The following KIAA0232 variants were observed in gnomAD, a reference collection of about 807,000 sequenced individuals.
KIAA0232 encodes the protein KIAA0232.
Under a neutral mutation model 122.0 loss-of-function variants are expected in KIAA0232, and 27 were observed. The ratio of observed to expected loss-of-function variants is 0.22; its 90% CI spans 0.16 to 0.31. The LOEUF (loss-of-function observed/expected upper bound fraction) is 0.31. KIAA0232 is among the 10% of genes least tolerant of loss of function. KIAA0232 has a pLI of 1.00. For missense variants in KIAA0232, 1,551 were observed against 1,634.2 expected, an observed-to-expected ratio of 0.95 and a Z score of 0.88; for synonymous variants, 613 against 587.6, an observed-to-expected ratio of 1.04 and a Z score of -0.63.
chr4:6,863,828 C>A lies in KIAA0232; in HGVS notation c.3446C>A (p.Ala1149Glu), dbSNP rs1409102622. The A allele has an allele frequency of 3.7e-6, 6 of 1,613,938 alleles. No individual in the cohort carries two copies. Among genetic ancestry groups the A allele is most frequent in the Non-Finnish European group, 5.1e-6 (6 of 1,180,018 alleles). Residue 1149 changes from alanine (A) to glutamate (E), a missense_variant, in exon 7 of 10, where the codon GCA becomes GAA. Around this residue, in one of 5 missense-constraint regions of KIAA0232, gnomAD observed 1,108 missense variants for 1,154.8 expected, o/e 0.96. Transcript: ENST00000307659. The stretch of plus-strand genomic sequence containing the variant: ...GTTGATATATTTGAAGATCCGCAGG[C>A]AGATCTCAAACCTTTGGAAGAAGAT... ...SQVDIFEDPQ[A>E]DLKPLEEDAE...
At chr4:6,870,037 C>T (rs1471059421) in intron 7 of KIAA0232, among the ~76,000 whole-genome samples, 1 of 152,208 alleles carries the variant, frequency 6.6e-6, no homozygotes, top group African/African-American at 2.4e-5. Flanking sequence ...CAGGCTCACT[C>T]TCTCAGGCAC....
At chr4:6,807,125 C>G (rs764062961) in intron 2 of KIAA0232, among the ~76,000 whole-genome samples, 1 of 151,950 alleles carries the variant, frequency 6.6e-6, no homozygotes, top group Non-Finnish European at 1.5e-5. Context: ...GCCCTGTACG[C>G]CTGGGCTCAA....
intron 3 of KIAA0232, among the ~76,000 whole-genome samples, chr4:6,841,004 C>A (rs1719628515): frequency 6.6e-6 from 1 of 152,064 alleles, no homozygotes; most frequent in Non-Finnish European, 1.5e-5. Flanking sequence ...GCATGAGGGA[C>A]CTCTCAAATA....
chr4:6,825,384 C>T (rs140798852), intron 3 of KIAA0232, among the ~76,000 whole-genome samples: 227 of 152,094 alleles, frequency 1.5e-3, no homozygotes, highest in African/African-American at 5.3e-3. Context: ...CCAGTCTTTA[C>T]AAAAAGTATT....
At chr4:6,807,314 A>G (rs1309776096) in intron 2 of KIAA0232, among the ~76,000 whole-genome samples, 2 of 152,256 alleles carry the variant, frequency 1.3e-5, no homozygotes, top group African/African-American at 4.8e-5. Flanking sequence ...AATCTTATCT[A>G]TAAGAACAAT....
chr4:6,879,554 A>C (rs1292005989), intron 9 of KIAA0232, among the ~76,000 whole-genome samples: 1 of 152,082 alleles, frequency 6.6e-6, no homozygotes, highest in Non-Finnish European at 1.5e-5. Context: ...CTTCTGCCTC[A>C]GGGGTTCTCA....
intron 8 of KIAA0232, among the ~76,000 whole-genome samples, chr4:6,872,390 AGGAGTAGTTATG>A (rs1276635702): frequency 2.0e-5 from 3 of 152,170 alleles, no homozygotes; most frequent in African/African-American, 7.2e-5. Flanking sequence ...ACTTTCTATG[AGGAGTAGTTATG>A]GGAGTCTAGG....
intron 2 of KIAA0232, among the ~76,000 whole-genome samples, chr4:6,822,938 A>C (rs13112814): frequency 0.86 from 94,399 of 109,232 alleles, 40,518 homozygotes; most frequent in Non-Finnish European, 0.9. Flanking sequence ...CTCCCCCCAC[A>C]CCACAACAGT....
chr4:6,800,845 C>G (rs1482885612), intron 1 of KIAA0232, among the ~76,000 whole-genome samples: 4 of 152,162 alleles, frequency 2.6e-5, no homozygotes, highest in Admixed American at 6.5e-5. Flanking sequence ...GCTCATCACT[C>G]TGAAAGGTTA....
Position 6,882,295 on chromosome 4 carries a change from G to T in KIAA0232, c.*1329G>T, listed in dbSNP as rs1473957519. 1 of 152,132 alleles carries T rather than the reference G, an allele frequency of 6.6e-6. No homozygotes were observed. Among genetic ancestry groups the T allele is most frequent in the Non-Finnish European group, 1.5e-5 (1 of 68,024 alleles). 9.4% of individuals were successfully genotyped at this position (152,132 alleles called of 1,614,324 possible). A position where few individuals can be genotyped will look rare whatever the true frequency, so the allele number is the denominator to read the frequency against. On this transcript the variant is annotated 3_prime_UTR_variant, in exon 10 of 10. Coordinates refer to ENST00000307659, the MANE Select transcript of KIAA0232 (RefSeq NM_014743.3). ...AAAAAACCTAATCTGTGAAATCAGC[G>T]TAGCATGCCTGGAGCATCAGGAATG...
At chr4:6,865,755 A>G (rs1002450115) in intron 7 of KIAA0232, among the ~76,000 whole-genome samples, 3 of 152,134 alleles carry the variant, frequency 2.0e-5, no homozygotes, top group Non-Finnish European at 4.4e-5. Flanking sequence ...TATTTCATAT[A>G]CCACCTCCTT....
chr4:6,787,177 CAAAAAA>C (rs34617834), intron 1 of KIAA0232, among the ~76,000 whole-genome samples: 36 of 81,440 alleles, frequency 4.4e-4, no homozygotes, highest in Non-Finnish European at 5.5e-4. Flanking sequence ...AAGGCTCTCT[CAAAAAA>C]AAAAAAAAAA....
At chr4:6,800,043 CTTTTTTTTT>C (rs752428517) in intron 1 of KIAA0232, among the ~76,000 whole-genome samples, 24 of 60,078 alleles carry the variant, frequency 4.0e-4, no homozygotes, top group Admixed American at 5.9e-4. Flanking sequence ...TTCTTTCTTT[CTTTTTTTTT>C]TTTTTTTTTT....
intron 4 of KIAA0232, among the ~76,000 whole-genome samples, chr4:6,848,510 A>G (rs1010339759): frequency 1.3e-5 from 2 of 152,178 alleles, no homozygotes; most frequent in African/African-American, 4.8e-5. Flanking sequence ...TAGCATTTAC[A>G]TTGTATTAGG....
rs1720690558 is a variant in KIAA0232 at position 6,858,678 on chromosome 4, A to G, written c.518+172A>G. On this transcript the variant is annotated intron_variant, in intron 6 of 9. Transcript: ENST00000307659. Reference sequence around the variant, plus strand: ...ACACTGAGAATTCAAAGGTGAAACAAGATGGTTCTGTCCTTGGTGTTCATA... The same window carrying G: ...ACACTGAGAATTCAAAGGTGAAACAGGATGGTTCTGTCCTTGGTGTTCATA... Among the ~76,000 whole-genome samples, 3 of 152,240 alleles carry G rather than the reference A, an allele frequency of 2.0e-5. No homozygotes were observed. In the South Asian group the frequency reaches 6.2e-4, roughly 32 times the overall value.
In KIAA0232 at chr4:6,862,228, C is replaced by T. The variant is rs774739483; in HGVS notation, c.1846C>T (p.Pro616Ser). 2 of 1,614,156 alleles carry T rather than the reference C, an allele frequency of 1.2e-6. No individual in the cohort carries two copies. The highest frequency in any genetic ancestry group is 1.7e-6 in the Non-Finnish European group (2 of 1,180,026). Residue 616 changes from proline to serine, a missense_variant, in exon 7 of 10, where the codon CCC (proline) becomes TCC (serine). By Grantham distance (74) the Pro-to-Ser change is moderately conservative (BLOSUM62 -1). Transcript: ENST00000307659. ...AGGAGACTCTCCAGTTAGACTCTCT[C>T]CCATCTTAGACAGCACAGTGCTCAA... ...FGGDSPVRLS[P>S]ILDSTVLNSH...
At chr4:6,858,320 CAA>C (rs1172797423) in intron 5 of KIAA0232, 103 bp from the exon 6 acceptor site, 2 of 650,390 alleles carry the variant, frequency 3.1e-6, no homozygotes, top group African/African-American at 1.9e-5. Flanking sequence ...TTTTAAGCAC[CAA>C]AGTCTCTATT....
rs1473957519 is a variant in KIAA0232, at chr4:6,882,295, G to A, written c.*1329G>A. On this transcript the variant is annotated 3_prime_UTR_variant, in exon 10 of 10. Transcript: ENST00000307659. ...AAAAAACCTAATCTGTGAAATCAGCGTAGCATGCCTGGAGCATCAGGAATG... is the reference window on the plus strand; with the variant it reads ...AAAAAACCTAATCTGTGAAATCAGCATAGCATGCCTGGAGCATCAGGAATG... 1.4e-4 allele frequency: 21 copies of A among 152,132 alleles called. No individual in the cohort carries two copies. Among genetic ancestry groups the A allele is most frequent in the Admixed American group, 1.4e-3 (21 of 15,278 alleles). 9.4% of individuals were successfully genotyped at this position (152,132 alleles called of 1,614,324 possible). A position where few individuals can be genotyped will look rare whatever the true frequency, so the allele number is the denominator to read the frequency against.
At chr4:6,842,283 C>T (rs577264688) in intron 4 of KIAA0232, 79 bp downstream of exon 4, 121 of 1,408,354 alleles carry the variant, frequency 8.6e-5, no homozygotes, top group Non-Finnish European at 1.1e-4. Context: ...ACAACTTGAC[C>T]TCCAAAAACT....
Sources: gnomAD v4.1 joint callset for allele counts (sites outside exome capture counted in the v4.1 genomes callset) on GRCh38, gnomAD v4.1.1 for gene constraint, gnomAD v4.1.1 regional missense constraint, MANE v1.5 for transcripts, NCBI Gene and HGNC (gene_info 2026-07-23, HGNC 2026-07-21) for gene names.